The following TMEM117 variants were observed in gnomAD, a reference collection of about 807,000 sequenced individuals.
TMEM117 encodes transmembrane protein 117.
Under a neutral mutation model 52.4 loss-of-function variants are expected in TMEM117, and 27 were observed. The ratio of observed to expected loss-of-function variants is 0.51; its 90% CI spans 0.38 to 0.71. The LOEUF (loss-of-function observed/expected upper bound fraction) is 0.71. TMEM117 is among the 30% of genes least tolerant of loss of function. The probability of loss-of-function intolerance (pLI) is 0.00; values close to 1 mark genes in which losing one functional copy is unlikely to be tolerated. For missense variants in TMEM117, 556 were observed against 630.5 expected (o/e 0.88, Z 1.26); for synonymous variants, 215 against 206.3 (o/e 1.04, Z -0.36).
At chr12:43,798,591 T>G in the TMEM117 span, 1 of 1,519,026 alleles carries the variant, frequency 6.6e-7, no homozygotes, top group Non-Finnish European at 8.8e-7. Context: ...GGGCTCTGAT[T>G]GCAAGAAATA....
chr12:44,110,173 T>C (rs1948033538), intron 3 of TMEM117, among the ~76,000 whole-genome samples: 1 of 122,632 alleles, frequency 8.2e-6, no homozygotes. Flanking sequence ...TTTGACTTCC[T>C]CTTTTCCTAA....
chr12:44,208,554 A>G lies in TMEM117; in HGVS notation c.511-2736A>G, dbSNP rs116444652. Among the ~76,000 whole-genome samples, 189 of 152,172 alleles carry G rather than the reference A, an allele frequency of 1.2e-3. 1 individual carries two copies. The highest frequency in any genetic ancestry group is 4.1e-3 in the African/African-American group (169 of 41,534). On this transcript the variant is annotated intron_variant, in intron 4 of 7. Transcript: ENST00000266534. ...CACCAGAAATGAATTTGATTTCTCT[A>G]ATGCAGGAGATAATTGGATTTTTCT...
chr12:44,182,370 G>A (rs905422544), intron 4 of TMEM117, among the ~76,000 whole-genome samples: 2 of 152,062 alleles, frequency 1.3e-5, no homozygotes, highest in African/African-American at 4.8e-5. Flanking sequence ...TAATTGCCCT[G>A]GCCAGAACTT....
At chr12:44,323,783 T>C (rs1222148931) in intron 6 of TMEM117, among the ~76,000 whole-genome samples, 5 of 152,196 alleles carry the variant, frequency 3.3e-5, no homozygotes, top group Non-Finnish European at 7.4e-5. Flanking sequence ...TGTCCCACTT[T>C]GTGGTACTGC....
intron 3 of TMEM117, among the ~76,000 whole-genome samples, chr12:44,019,007 ACT>A (rs2137828527): frequency 6.6e-6 from 1 of 151,930 alleles, no homozygotes; most frequent in East Asian, 1.9e-4. Context: ...CAGCCGATTA[ACT>A]CTACTCTTGT....
chr12:44,263,047 ACTTTT>A (rs1270048546), intron 5 of TMEM117, among the ~76,000 whole-genome samples: 1 of 152,188 alleles, frequency 6.6e-6, no homozygotes, highest in Non-Finnish European at 1.5e-5. Context: ...TAAGGCTGTG[ACTTTT>A]CTTTTGCTAT....
intron 3 of TMEM117, among the ~76,000 whole-genome samples, chr12:44,086,991 A>G (rs1947581252): frequency 6.8e-6 from 1 of 147,590 alleles, no homozygotes; most frequent in Admixed American, 6.8e-5. Context: ...TATATAATTA[A>G]TAATTATAAA....
chr12:44,058,129 G>A (rs2137946054), intron 3 of TMEM117, among the ~76,000 whole-genome samples: 1 of 150,376 alleles, frequency 6.6e-6, no homozygotes, highest in Admixed American at 6.6e-5. Context: ...ATAATAGAGA[G>A]ATGTAGAAAA....
At chr12:44,048,157 C>T (rs570320498) in intron 3 of TMEM117, among the ~76,000 whole-genome samples, 17 of 152,208 alleles carry the variant, frequency 1.1e-4, no homozygotes, top group Middle Eastern at 3.4e-3. Flanking sequence ...CCTTATCACA[C>T]GTTACAGTAC....
intron 5 of TMEM117, 140 bp from the exon 6 acceptor site, chr12:44,299,440 T>C: frequency 8.6e-7 from 1 of 1,165,438 alleles, no homozygotes; most frequent in Non-Finnish European, 1.2e-6. Flanking sequence ...GCCAACTTTT[T>C]TCATCTTCCT....
chr12:44,224,475 T>C (rs1368448019), intron 5 of TMEM117, among the ~76,000 whole-genome samples: 1 of 151,954 alleles, frequency 6.6e-6, no homozygotes, highest in Non-Finnish European at 1.5e-5. Flanking sequence ...TAATGATTTT[T>C]TTTTTTTAGT....
At chr12:44,068,331 G>T (rs954274842) in intron 3 of TMEM117, among the ~76,000 whole-genome samples, 1 of 152,146 alleles carries the variant, frequency 6.6e-6, no homozygotes, top group Non-Finnish European at 1.5e-5. Context: ...TTGGCTAACT[G>T]GTGCTAAGGG....
chr12:43,988,876 AC>A (rs1383686386), intron 3 of TMEM117, among the ~76,000 whole-genome samples: 2 of 152,152 alleles, frequency 1.3e-5, no homozygotes, highest in African/African-American at 4.8e-5. Context: ...TAAATAAGAA[AC>A]CACTGCTTTT....
chr12:43,912,264 G>A (rs1043666497), intron 2 of TMEM117, among the ~76,000 whole-genome samples: 10 of 141,772 alleles, frequency 7.1e-5, no homozygotes, highest in African/African-American at 1.0e-4. Flanking sequence ...ACCAAACACT[G>A]CATATTCTCA....
intron 5 of TMEM117, among the ~76,000 whole-genome samples, chr12:44,230,960 C>T (rs12372218): frequency 1.3e-5 from 2 of 151,978 alleles, no homozygotes; most frequent in African/African-American, 2.4e-5. Flanking sequence ...TACACACATA[C>T]ACACATGTGT....
chr12:44,163,422 A>G (rs777493613), intron 4 of TMEM117, among the ~76,000 whole-genome samples: 11 of 152,212 alleles, frequency 7.2e-5, no homozygotes, highest in Non-Finnish European at 1.5e-4. Flanking sequence ...TAAATTTTCT[A>G]TCTTTAGCTA....
At chr12:44,033,904 C>A (rs1393772873) in intron 3 of TMEM117, among the ~76,000 whole-genome samples, 2 of 152,190 alleles carry the variant, frequency 1.3e-5, no homozygotes, top group Admixed American at 6.5e-5. Context: ...CTTTTCAGAG[C>A]AGAATCAAAG....
At chr12:43,836,825 G>GACAC (rs1943039141) in intron 1 of TMEM117, among the ~76,000 whole-genome samples, 1 of 151,844 alleles carries the variant, frequency 6.6e-6, no homozygotes, top group South Asian at 2.1e-4. Flanking sequence ...GAGAGAGAGA[G>GACAC]ACACGGGAGT....
At chr12:44,362,061 TC>T (rs1287576020) in intron 6 of TMEM117, among the ~76,000 whole-genome samples, 1 of 152,130 alleles carries the variant, frequency 6.6e-6, no homozygotes, top group Admixed American at 6.6e-5. Flanking sequence ...CTCATCCTCA[TC>T]CCCCAGCTTA....
Sources: gnomAD v4.1 joint callset for allele counts (sites outside exome capture counted in the v4.1 genomes callset) on GRCh38, gnomAD v4.1.1 for gene constraint, MANE v1.5 for transcripts, NCBI Gene and HGNC (gene_info 2026-07-23, HGNC 2026-07-21) for gene names.